IL4I1: variants seen among roughly 807,000 people sequenced by gnomAD.
The protein encoded by IL4I1 is L-amino-acid oxidase.
Under a neutral mutation model 29.7 loss-of-function variants are expected in IL4I1, and 24 were observed. That is an observed-to-expected ratio of 0.81 (90% confidence interval 0.59 to 1.14). The LOEUF is 1.14. Ranked by LOEUF, IL4I1 falls within the 50% of genes most tolerant of loss-of-function variation. IL4I1 has a pLI of 0.00. For missense variants in IL4I1, 686 were observed against 785.6 expected, an observed-to-expected ratio of 0.87 and a Z score of 1.52; for synonymous variants, 371 against 352.5, an observed-to-expected ratio of 1.05 and a Z score of -0.59.
chr19:49,906,159 C>T (rs1422062245), intron 2 of IL4I1, among the ~76,000 whole-genome samples: 2 of 152,164 alleles, frequency 1.3e-5, no homozygotes, highest in African/African-American at 4.8e-5. Context: ...CTGCCCATGA[C>T]ATCTGTAACC....
chr19:49,914,826 G>A (rs1247951210), intron 2 of IL4I1, among the ~76,000 whole-genome samples: 3 of 129,932 alleles, frequency 2.3e-5, no homozygotes, highest in South Asian at 2.7e-4. Flanking sequence ...TACAACCTCC[G>A]CCTCCCGGGT....
intron 2 of IL4I1, among the ~76,000 whole-genome samples, chr19:49,915,435 C>T (rs1334220993): frequency 6.6e-6 from 1 of 152,172 alleles, no homozygotes; most frequent in Admixed American, 6.5e-5. Flanking sequence ...GCTTCGGCCT[C>T]TAGAGCTAAA....
chr19:49,897,134 A>G (rs1689586235), upstream of IL4I1, among the ~76,000 whole-genome samples: 1 of 152,148 alleles, frequency 6.6e-6, no homozygotes, highest in South Asian at 2.1e-4. Context: ...CGTGCCAACA[A>G]CGGGGAATCC....
intron 5 of IL4I1, 130 bp from the exon 6 acceptor site, chr19:49,891,603 T>G (rs536917985): frequency 1.6e-3 from 1,181 of 761,808 alleles, no homozygotes; most frequent in Non-Finnish European, 2.2e-3. Flanking sequence ...CTCAAGCCCC[T>G]GGGCTTTTGC....
At chr19:49,904,927 G>A (rs1320253624) in intron 2 of IL4I1, among the ~76,000 whole-genome samples, 1 of 152,078 alleles carries the variant, frequency 6.6e-6, no homozygotes, top group African/African-American at 2.4e-5. Context: ...AGCCAGGATG[G>A]TCTCGATCTC....
intron 2 of IL4I1, chr19:49,907,836 T>C (rs2075358428): frequency 3.0e-6 from 1 of 334,192 alleles, no homozygotes; most frequent in Non-Finnish European, 5.7e-6. Context: ...GCGCCCTGAC[T>C]TGGAGGTTCT....
At chr19:49,902,070 G>C (rs1346045125) in intron 3 of IL4I1, among the ~76,000 whole-genome samples, 2 of 152,166 alleles carry the variant, frequency 1.3e-5, no homozygotes, top group Admixed American at 1.3e-4. Flanking sequence ...CACAATCTCA[G>C]CTCACTGCAA....
upstream of IL4I1, among the ~76,000 whole-genome samples, chr19:49,898,315 C>T (rs2075237389): frequency 6.6e-6 from 1 of 151,610 alleles, no homozygotes; most frequent in Admixed American, 6.6e-5. Flanking sequence ...AGCCAGACTC[C>T]ATCTCAAAAA....
chr19:49,920,684 G>A (rs560394096), intron 2 of IL4I1, among the ~76,000 whole-genome samples: 1 of 152,332 alleles, frequency 6.6e-6, no homozygotes, highest in East Asian at 1.9e-4. Flanking sequence ...CCTTCCTTGG[G>A]GTGGCCGGTA....
chr19:49,897,717 G>T (rs2122539133), upstream of IL4I1, among the ~76,000 whole-genome samples: 1 of 152,280 alleles, frequency 6.6e-6, no homozygotes, highest in South Asian at 2.1e-4. Context: ...ACCTTGGAGT[G>T]GGTGGGGGTG....
intron 1 of IL4I1, 42 bp from the exon 2 acceptor site, chr19:49,896,224 G>A (rs1398229095): frequency 6.8e-7 from 1 of 1,476,012 alleles, no homozygotes; most frequent in Non-Finnish European, 9.0e-7. Context: ...ACTGAGGCCT[G>A]TGACCACTGT....
intron 2 of IL4I1, among the ~76,000 whole-genome samples, chr19:49,925,257 G>A (rs962288409): frequency 3.3e-5 from 5 of 151,676 alleles, no homozygotes; most frequent in Non-Finnish European, 5.9e-5. Flanking sequence ...GTGAAACTCC[G>A]TCTCAAAAAA....
chr19:49,907,448 T>C, intron 2 of IL4I1: 1 of 424,510 alleles, frequency 2.4e-6, no homozygotes, highest in Non-Finnish European at 4.6e-6. Context: ...CTATTCACAC[T>C]GTGCTGCTTT....
intron 2 of IL4I1, among the ~76,000 whole-genome samples, chr19:49,922,688 A>C (rs2075793687): frequency 6.6e-6 from 1 of 150,522 alleles, no homozygotes. Flanking sequence ...TTACTTGCCT[A>C]CCTTTAAAAC....
At chr19:49,918,076 TTC>T (rs1009774172) in intron 2 of IL4I1, among the ~76,000 whole-genome samples, 5 of 138,768 alleles carry the variant, frequency 3.6e-5, no homozygotes, top group East Asian at 4.0e-4. Context: ...GCTTTCCTTT[TTC>T]TTTTTTTTTT....
intron 2 of IL4I1, among the ~76,000 whole-genome samples, chr19:49,920,132 G>C (rs2075729895): frequency 1.3e-5 from 2 of 152,040 alleles, no homozygotes; most frequent in Admixed American, 1.3e-4. Flanking sequence ...CATCAGGCTG[G>C]AGTGCAGTGG....
At chr19:49,910,014 C>A (rs2075423109) in intron 2 of IL4I1, 1 of 652,660 alleles carries the variant, frequency 1.5e-6, no homozygotes, top group Non-Finnish European at 2.8e-6. Context: ...CTAAACTAGG[C>A]TCTGCTACAT....
At chr19:49,928,689 C>T (rs4802640) in intron 1 of IL4I1, 18,977 of 152,118 alleles carry the variant, frequency 0.12, 1,484 homozygotes, top group East Asian at 0.38. Context: ...CGAGGCCATC[C>T]TGGCAGGTCT....
At chr19:49,913,112 A>C (rs1029608572) in intron 2 of IL4I1, 1 of 152,568 alleles carries the variant, frequency 6.6e-6, no homozygotes, top group Non-Finnish European at 1.5e-5. Context: ...AGCATCAGCC[A>C]GGGAAAGGAT....
Sources: allele counts gnomAD v4.1 joint callset (sites outside exome capture counted in the v4.1 genomes callset), GRCh38; gene constraint gnomAD v4.1.1; transcripts MANE v1.5; gene names NCBI Gene and HGNC (gene_info 2026-07-23, HGNC 2026-07-21).